SORL1: variants seen among roughly 807,000 people sequenced by gnomAD.
The protein encoded by SORL1 is sortilin-related receptor.
In SORL1, 127 loss-of-function variants were observed where a neutral mutation model predicts 273.7. The observed-to-expected ratio is 0.46, with a 90% CI of 0.40 to 0.54. The LOEUF (loss-of-function observed/expected upper bound fraction) is 0.54, where lower values mean the gene tolerates loss of function less well. Among genes scored for constraint, SORL1 ranks in the 20% least tolerant of loss-of-function variants. The pLI, the probability that SORL1 is intolerant of heterozygous loss-of-function variation, is 0.00. For synonymous variants in SORL1, 1,031 were observed against 1,067.4 expected (o/e 0.97, Z 0.66); for missense variants, 2,494 against 2,846.1 (o/e 0.88, Z 2.81).
At chr11:121,456,759 A>G (rs1860912365) in intron 1 of SORL1, among the ~76,000 whole-genome samples, 1 of 152,224 alleles carries the variant, frequency 6.6e-6, no homozygotes, top group Non-Finnish European at 1.5e-5. Flanking sequence ...CTCTCTCTTC[A>G]TAATTCCTAC....
In SORL1 at chr11:121,604,233, G is replaced by A. The variant is rs1306793706; in HGVS notation, c.4560G>A (p.Gln1520=). 1 of 1,614,034 alleles carries A rather than the reference G, an allele frequency of 6.2e-7. No homozygotes were observed. The highest frequency in any genetic ancestry group is 1.3e-5 in the African/African-American group (1 of 74,928). The change falls in exon 33 of 48, where the codon CAG becomes CAA. Residue 1520 remains glutamine, a synonymous_variant. Transcript: ENST00000260197. ...STLTCMSREF[Q]CEDGEACIVL... The stretch of plus-strand genomic sequence containing the variant: ...TGACTTGCATGAGCAGGGAGTTCCA[G>A]TGCGAGGACGGGGAGGCCTGCATTG...
Position 121,591,041 on chromosome 11 carries a change from G to T in SORL1, c.4254G>T (p.Thr1418=), listed in dbSNP as rs200376683. 6 of 1,614,066 alleles carry T rather than the reference G, an allele frequency of 3.7e-6. No homozygotes were observed. In the Admixed American group the frequency reaches 1.0e-4, roughly 27 times the overall value. The part of the protein sequence containing the change: ...ILPFSTPGPS[T]CLPNYYRCSS... ...CCTTCTCGACTCCTGGGCCCTCCAC[G>T]TGTCTGCCCAATTACTACCGCTGCA... Residue 1418 remains threonine, a synonymous_variant, in exon 31 of 48, where the codon ACG becomes ACT. Transcript: ENST00000260197.
At chr11:121,504,213 A>G (rs1591303407) in intron 6 of SORL1, among the ~76,000 whole-genome samples, 1 of 152,128 alleles carries the variant, frequency 6.6e-6, no homozygotes, top group South Asian at 2.1e-4. Flanking sequence ...GGAGTTCGAG[A>G]CCAGCCTGGC....
intron 2 of SORL1, among the ~76,000 whole-genome samples, chr11:121,470,599 G>T (rs60990684): frequency 0.12 from 17,593 of 152,208 alleles, 1,183 homozygotes; most frequent in African/African-American, 0.18. Context: ...GATGCCAAGG[G>T]TTATAAACTC....
At position 121,615,007 on chromosome 11, in the gene SORL1, C is replaced by T. The variant is rs1173601056; in HGVS notation, c.5556C>T (p.Ala1852=). The change falls in exon 41 of 48, where the codon GCC becomes GCT. Residue 1852 remains alanine (A), a synonymous_variant. Transcript: ENST00000260197. The stretch of plus-strand genomic sequence containing the variant: ...CTGCACCTAGCCTCAAGGCCAAAGC[C>T]ATCAACCAGACTGCAGTGGAATGTA... ...RPPAPSLKAK[A]INQTAVECTW... 3.7e-6 allele frequency: 6 copies of T among 1,612,546 alleles called. No individual in the cohort carries two copies. The highest frequency in any genetic ancestry group is 3.4e-5 in the Admixed American group (2 of 59,528).
intron 16 of SORL1, among the ~76,000 whole-genome samples, chr11:121,552,383 G>C (rs1340665758): frequency 2.0e-5 from 3 of 152,192 alleles, no homozygotes; most frequent in East Asian, 3.8e-4. Context: ...GCCGCATGCT[G>C]CTCTGAACAT....
Position 121,584,579 on chromosome 11 carries a change from C to T in SORL1, c.3706+996C>T, listed in dbSNP as rs560920890. ...GTTTGCAAAGGCTATCTATGACTGC[C>T]TCATTAGAAGTGATTTTCTTTTTTT... On this transcript the variant is annotated intron_variant, in intron 26 of 47. Transcript: ENST00000260197. Among the ~76,000 whole-genome samples, 40 of 152,116 alleles carry T rather than the reference C, an allele frequency of 2.6e-4. No homozygotes were observed. The South Asian group carries it at 8.3e-3, about 32-fold the overall frequency.
At chr11:121,590,421 A>C (rs1322919102) in intron 30 of SORL1, 1 of 507,648 alleles carries the variant, frequency 2.0e-6, no homozygotes, top group African/African-American at 1.9e-5. Flanking sequence ...TCCTACTCAA[A>C]GTATGGTTTG....
In SORL1 at chr11:121,595,856, A is replaced by G; in HGVS notation, c.4519+84A>G. The G allele has an allele frequency of 6.9e-7, 1 of 1,441,422 alleles. No individual in the cohort carries two copies. Among genetic ancestry groups the G allele is most frequent in the Admixed American group, 2.0e-5 (1 of 50,854 alleles). The allele number at this position is 1,441,422 out of a possible 1,614,324, so 89.3% of individuals were successfully genotyped here. On this transcript the variant is annotated intron_variant, in intron 32 of 47. Transcript: ENST00000260197. The surrounding 1 kb of genome is among the most constrained non-coding windows in gnomAD (Gnocchi z 5.1). Reference sequence around the variant, plus strand: ...GGTGCTTCTGCTTCATTTCTGGATCAGCACACGCCTGTGTGTGAGTCTGTG... The same window carrying G: ...GGTGCTTCTGCTTCATTTCTGGATCGGCACACGCCTGTGTGTGAGTCTGTG...
Position 121,611,072 on chromosome 11 carries a change from T to C in SORL1, c.5240-4T>C. The stretch of plus-strand genomic sequence containing the variant: ...TCTGTTTTTGAATTCCTTTTTGTTT[T>C]CAGTGATCCCACCACCAGATATCCA... On this transcript the variant is annotated splice_region_variant and splice_polypyrimidine_tract_variant and intron_variant, in intron 38 of 47. Coordinates refer to ENST00000260197, the MANE Select transcript of SORL1 (RefSeq NM_003105.6). 6.2e-7 allele frequency: 1 copy of C among 1,609,986 alleles called. No individual in the cohort carries two copies. The highest frequency in any genetic ancestry group is 8.5e-7 in the Non-Finnish European group (1 of 1,176,284).
intron 6 of SORL1, among the ~76,000 whole-genome samples, chr11:121,502,459 G>A (rs915600899): frequency 9.2e-5 from 14 of 151,968 alleles, no homozygotes; most frequent in African/African-American, 2.9e-4. Context: ...TTAACTTTTC[G>A]AGAATCGGTC....
Position 121,470,061 on chromosome 11 carries a change from A to C in SORL1, c.340A>C (p.Ser114Arg). The C allele has an allele frequency of 6.2e-7, 1 of 1,614,136 alleles. No homozygotes were observed. The highest frequency in any genetic ancestry group is 8.5e-7 in the Non-Finnish European group (1 of 1,180,024). The change falls in exon 2 of 48, where the codon AGC (serine) becomes CGC (arginine). Residue 114 changes from serine to arginine, a missense_variant. Around this residue, in one of 3 missense-constraint regions of SORL1, gnomAD observed 710 missense variants for 882.5 expected, o/e 0.80. Coordinates refer to ENST00000260197, the MANE Select transcript of SORL1 (RefSeq NM_003105.6). ...GGTGGTGCACTGGGCTGGAGAGAAA[A>C]GCAACGTGATCGTGGCCTTGGCCCG... is the stretch of plus-strand genomic sequence containing the variant. Reference protein sequence around the residue: ...QMVVHWAGEKSNVIVALARDS... With the variant: ...QMVVHWAGEKRNVIVALARDS...
At chr11:121,459,052 C>T (rs115840702) in intron 1 of SORL1, among the ~76,000 whole-genome samples, 86 of 152,280 alleles carry the variant, frequency 5.6e-4, no homozygotes, top group African/African-American at 1.9e-3. Flanking sequence ...TCTTCCTGGC[C>T]GCGTCCTGGA....
At chr11:121,604,473 C>A in intron 33 of SORL1, 149 bp downstream of exon 33, 2 of 1,079,880 alleles carry the variant, frequency 1.9e-6, no homozygotes, top group Non-Finnish European at 2.6e-6. Flanking sequence ...AGTTTTGGAG[C>A]CCCAAGTGAG....
intron 23 of SORL1, among the ~76,000 whole-genome samples, chr11:121,570,836 C>T (rs977930815): frequency 6.6e-6 from 1 of 152,162 alleles, no homozygotes; most frequent in African/African-American, 2.4e-5. Context: ...TAAGATCTGA[C>T]TTCTAAAGTA....
Position 121,604,197 on chromosome 11 carries a change from A to T in SORL1, c.4524A>T (p.Thr1508=), listed in dbSNP as rs759431710. The part of the protein sequence containing the change: ...QDGRDEANCP[T]HSTLTCMSRE... ...AGAAGCCTCTCTGTGTTTCAGCCAC[A>T]CACAGCACCTTGACTTGCATGAGCA... The change falls in exon 33 of 48, where the codon ACA becomes ACT. Residue 1508 remains threonine (T), a synonymous_variant. Coordinates refer to ENST00000260197, the MANE Select transcript of SORL1 (RefSeq NM_003105.6). 1.9e-6 allele frequency: 3 copies of T among 1,614,122 alleles called. No individual in the cohort carries two copies. Among genetic ancestry groups the T allele is most frequent in the Non-Finnish European group, 2.5e-6 (3 of 1,180,014 alleles).
intron 6 of SORL1, among the ~76,000 whole-genome samples, chr11:121,502,430 C>T (rs1861725446): frequency 6.6e-6 from 1 of 152,104 alleles, no homozygotes; most frequent in Non-Finnish European, 1.5e-5. Context: ...GCCACCATGC[C>T]CGGCCGACAA....
intron 41 of SORL1, among the ~76,000 whole-genome samples, chr11:121,615,311 G>A (rs1056349738): frequency 2.0e-5 from 3 of 151,648 alleles, no homozygotes; most frequent in African/African-American, 7.3e-5. Context: ...TAGATCAACC[G>A]TCCCAAGGCT....
chr11:121,465,398 C>G (rs1318348101), intron 1 of SORL1, among the ~76,000 whole-genome samples: 1 of 152,146 alleles, frequency 6.6e-6, no homozygotes, highest in Non-Finnish European at 1.5e-5. Flanking sequence ...AGACAAGCCC[C>G]CCCGCCAAAA....
Sources: gnomAD v4.1 joint callset for allele counts (sites outside exome capture counted in the v4.1 genomes callset) on GRCh38, gnomAD v4.1.1 for gene constraint, gnomAD v4.1.1 regional missense constraint, Gnocchi (gnomAD v3.1) non-coding constraint, MANE v1.5 for transcripts, NCBI Gene and HGNC (gene_info 2026-07-23, HGNC 2026-07-21) for gene names.